Variants in PTPRD observed in about 807,000 individuals in gnomAD.
PTPRD encodes protein tyrosine phosphatase receptor type D, also known as receptor-type tyrosine-protein phosphatase delta.
In PTPRD, 34 loss-of-function variants were observed where a neutral mutation model predicts 214.5. The ratio of observed to expected loss-of-function variants is 0.16; its 90% CI spans 0.12 to 0.21. The LOEUF (loss-of-function observed/expected upper bound fraction) is 0.21. Among genes scored for constraint, PTPRD ranks in the 10% least tolerant of loss-of-function variants. PTPRD has a pLI of 1.00. For synonymous variants in PTPRD, 1,128 were observed against 845.7 expected (o/e 1.33, Z -5.79); for missense variants, 2,545 against 2,398.7 (o/e 1.06, Z -1.27).
At chr9:9,492,996 T>G (rs1589799458) in intron 8 of PTPRD, among the ~76,000 whole-genome samples, 2 of 146,972 alleles carry the variant, frequency 1.4e-5, no homozygotes, top group Admixed American at 1.4e-4. Context: ...ACTGCTCCAC[T>G]AATTGGCCAT....
intron 11 of PTPRD, among the ~76,000 whole-genome samples, chr9:8,904,454 C>T (rs2098693462): frequency 6.6e-6 from 1 of 152,024 alleles, no homozygotes. Context: ...GGCAGATCAC[C>T]TAAGGTCAGG....
At chr9:9,152,121 G>A (rs1311012096) in intron 10 of PTPRD, among the ~76,000 whole-genome samples, 1 of 152,166 alleles carries the variant, frequency 6.6e-6, no homozygotes, top group Non-Finnish European at 1.5e-5. Flanking sequence ...GGGTACGAAT[G>A]AAGAGCTGGT....
At position 9,703,283 on chromosome 9, in the gene PTPRD, A is replaced by G. The variant is rs377196218; in HGVS notation, c.-287+31250T>C. 2.4e-4 allele frequency among the ~76,000 whole-genome samples: 36 copies of G among 152,306 alleles called. 1 individual carries two copies. Among genetic ancestry groups the G allele is most frequent in the African/African-American group, 8.4e-4 (35 of 41,564 alleles). On this transcript the variant is annotated intron_variant, in intron 7 of 45. Coordinates refer to ENST00000381196, the MANE Select transcript of PTPRD (RefSeq NM_002839.4). ...CCTAGCCATGCTGAACTGTGAGTCA[A>G]TTAAACTCTTTCCATTATAAATTAC...
chr9:10,545,644 CA>C (rs1354878476), intron 2 of PTPRD, among the ~76,000 whole-genome samples: 1 of 152,162 alleles, frequency 6.6e-6, no homozygotes, highest in East Asian at 1.9e-4. Context: ...GAGAAACTTG[CA>C]CAAATTAGTG....
At chr9:9,619,723 T>A (rs1382025343) in intron 7 of PTPRD, among the ~76,000 whole-genome samples, 1 of 145,866 alleles carries the variant, frequency 6.9e-6, no homozygotes, top group Non-Finnish European at 1.5e-5. Flanking sequence ...TTATATATAA[T>A]CGTGTATTTA....
chr9:9,319,218 T>C (rs1965121670), intron 9 of PTPRD, among the ~76,000 whole-genome samples: 1 of 152,194 alleles, frequency 6.6e-6, no homozygotes, highest in East Asian at 1.9e-4. Context: ...CTTTCTTTAA[T>C]ATACTCAGAT....
intron 8 of PTPRD, among the ~76,000 whole-genome samples, chr9:9,521,914 T>G (rs1213653593): frequency 6.6e-6 from 1 of 152,090 alleles, no homozygotes; most frequent in Non-Finnish European, 1.5e-5. Flanking sequence ...TCCTGGCACT[T>G]TGGGAGGCAG....
At chr9:9,193,393 T>G (rs566095538) in intron 9 of PTPRD, among the ~76,000 whole-genome samples, 2 of 152,238 alleles carry the variant, frequency 1.3e-5, no homozygotes, top group East Asian at 3.9e-4. Flanking sequence ...TTTTGTAAAC[T>G]TGGATAAATG....
At chr9:9,883,975 T>A (rs560252733) in intron 5 of PTPRD, among the ~76,000 whole-genome samples, 17 of 152,278 alleles carry the variant, frequency 1.1e-4, no homozygotes, top group African/African-American at 4.1e-4. Context: ...TCCTTTTTTT[T>A]AAAGTCCTGG....
intron 2 of PTPRD, among the ~76,000 whole-genome samples, chr9:10,497,192 T>C (rs2042320406): frequency 6.6e-6 from 1 of 151,920 alleles, no homozygotes; most frequent in African/African-American, 2.4e-5. Flanking sequence ...ACTACCTTAC[T>C]AGTACTATGC....
chr9:8,791,613 T>C (rs2096241393), intron 11 of PTPRD, among the ~76,000 whole-genome samples: 1 of 149,404 alleles, frequency 6.7e-6, no homozygotes. Context: ...CTGCAACCTG[T>C]GTCTCCCAGT....
At chr9:10,159,401 A>G (rs2099113545) in intron 3 of PTPRD, among the ~76,000 whole-genome samples, 1 of 152,100 alleles carries the variant, frequency 6.6e-6, no homozygotes. Flanking sequence ...CAGGAAAAAA[A>G]AAGCCAGGCA....
chr9:8,776,793 A>G (rs10977292), intron 11 of PTPRD, among the ~76,000 whole-genome samples: 77,892 of 146,550 alleles, frequency 0.53, 20,818 homozygotes, highest in Middle Eastern at 0.62. Flanking sequence ...AATATGTATT[A>G]TATATATATT....
In PTPRD at chr9:10,473,865, C is replaced by T. The variant is rs189287592; in HGVS notation, c.-599-132848G>A. Among the ~76,000 whole-genome samples, 662 of 152,096 alleles carry T rather than the reference C, an allele frequency of 4.4e-3. 3 individuals are homozygous for T. Among genetic ancestry groups the T allele is most frequent in the African/African-American group, 0.015 (629 of 41,524 alleles). On this transcript the variant is annotated intron_variant, in intron 2 of 45. Transcript: ENST00000381196. The stretch of plus-strand genomic sequence containing the variant: ...AGTAAGTGTCAAATTAAAAGCTCCT[C>T]TTAATGTTGATGATTCAGTGCAAAT...
chr9:9,990,586 G>A (rs961833505), intron 4 of PTPRD, among the ~76,000 whole-genome samples: 1 of 152,200 alleles, frequency 6.6e-6, no homozygotes, highest in African/African-American at 2.4e-5. Context: ...CAGAGGCCCA[G>A]GCCCCTACAC....
At chr9:10,000,504 A>T (rs1279855879) in intron 4 of PTPRD, among the ~76,000 whole-genome samples, 2 of 152,254 alleles carry the variant, frequency 1.3e-5, no homozygotes, top group South Asian at 2.1e-4. Context: ...GCCCCTTTTC[A>T]TCAGGAAGTA....
chr9:8,601,892 A>G (rs1353084869), intron 14 of PTPRD, among the ~76,000 whole-genome samples: 1 of 152,210 alleles, frequency 6.6e-6, no homozygotes, highest in Non-Finnish European at 1.5e-5. Context: ...CAGATTGGGG[A>G]ATCTAGGTAC....
chr9:9,714,316 C>A (rs1408163548), intron 7 of PTPRD, among the ~76,000 whole-genome samples: 1 of 152,078 alleles, frequency 6.6e-6, no homozygotes, highest in Non-Finnish European at 1.5e-5. Flanking sequence ...TCTGCTAAAT[C>A]ACTAAAAATT....
intron 10 of PTPRD, among the ~76,000 whole-genome samples, chr9:9,170,147 A>G (rs774067115): frequency 2.6e-5 from 4 of 152,204 alleles, no homozygotes; most frequent in Non-Finnish European, 5.9e-5. Context: ...GTGATTACAA[A>G]ATTGGATCAA....
Sources: gnomAD v4.1 joint callset for allele counts (sites outside exome capture counted in the v4.1 genomes callset) on GRCh38, gnomAD v4.1.1 for gene constraint, MANE v1.5 for transcripts, NCBI Gene and HGNC (gene_info 2026-07-23, HGNC 2026-07-21) for gene names.